CCDC102B: variants seen among roughly 807,000 people sequenced by gnomAD.
CCDC102B encodes coiled-coil domain containing 102B.
CCDC102B carries 75 observed loss-of-function variants against 57.4 expected under a neutral mutation model. The ratio of observed to expected loss-of-function variants is 1.31; its 90% confidence interval spans 1.08 to 1.58. The LOEUF is 1.58. Among genes scored for constraint, CCDC102B ranks in the 40% most tolerant of loss-of-function variants. The pLI, the probability that CCDC102B is intolerant of heterozygous loss-of-function variation, is 0.00. For synonymous variants in CCDC102B, 206 were observed against 201.9 expected (o/e 1.02, Z -0.17); for missense variants, 636 against 582.6 (o/e 1.09, Z -0.94).
chr18:69,051,857 A>G lies in CCDC102B; in HGVS notation c.1435-2173A>G, dbSNP rs8093771. On this transcript the variant is annotated intron_variant, in intron 7 of 7. Coordinates refer to ENST00000360242, the MANE Select transcript of CCDC102B (RefSeq NM_024781.3). ...AGGAAAAAAATAAAATTGGGTTTCT[A>G]CCTCATGTCATGTGTAAAATTAACT... Among the ~76,000 whole-genome samples, 981 of 152,072 alleles carry G rather than the reference A, an allele frequency of 6.5e-3. 13 individuals are homozygous for G. The highest frequency in any genetic ancestry group is 0.023 in the African/African-American group (935 of 41,550).
intron 2 of CCDC102B, among the ~76,000 whole-genome samples, chr18:68,736,918 A>T (rs2033155673): frequency 1.3e-5 from 2 of 151,960 alleles, no homozygotes; most frequent in Admixed American, 1.3e-4. Context: ...TCTAGTGTGC[A>T]AACAATCGTA....
intron 2 of CCDC102B, among the ~76,000 whole-genome samples, chr18:68,784,771 A>G (rs1194118356): frequency 6.6e-6 from 1 of 152,106 alleles, no homozygotes; most frequent in Non-Finnish European, 1.5e-5. Context: ...TAGATCTTTT[A>G]GTACTTGGTT....
At chr18:68,969,676 G>GT (rs2050253337) in intron 6 of CCDC102B, among the ~76,000 whole-genome samples, 1 of 151,122 alleles carries the variant, frequency 6.6e-6, no homozygotes, top group African/African-American at 2.4e-5. Context: ...ATTTTGTTGT[G>GT]TTTTTTTGTG....
At chr18:68,780,665 A>G (rs2034976796) in intron 2 of CCDC102B, among the ~76,000 whole-genome samples, 1 of 152,086 alleles carries the variant, frequency 6.6e-6, no homozygotes, top group South Asian at 2.1e-4. Context: ...TTTCCTAATG[A>G]CTAATGATGC....
At position 69,011,067 on chromosome 18, in the gene CCDC102B, A is replaced by G; in HGVS notation, c.1397A>G (p.Glu466Gly). The G allele has an allele frequency of 1.2e-6, 2 of 1,613,938 alleles. No homozygotes were observed. The highest frequency in any genetic ancestry group is 2.7e-5 in the African/African-American group (2 of 75,046). ...AEVKKLRLRVEELKQGLNQKE... is the reference protein window; with the variant it reads ...AEVKKLRLRVGELKQGLNQKE... ...GTAAAGAAACTAAGATTACGAGTGG[A>G]AGAACTAAAGCAGGGACTCAATCAA... The change falls in exon 7 of 8, where the codon GAA (glutamate) becomes GGA (glycine). Residue 466 changes from glutamate (E) to glycine (G), a missense_variant. Transcript: ENST00000360242.
intron 5 of CCDC102B, among the ~76,000 whole-genome samples, chr18:68,878,827 A>T (rs1029846291): frequency 5.3e-5 from 8 of 152,200 alleles, no homozygotes; most frequent in African/African-American, 1.9e-4. Context: ...GAACTATCAA[A>T]AAAACTAGTG....
intron 7 of CCDC102B, among the ~76,000 whole-genome samples, chr18:69,049,840 C>T (rs960659296): frequency 1.3e-5 from 2 of 151,562 alleles, no homozygotes; most frequent in East Asian, 1.9e-4. Context: ...GACGGAGTCT[C>T]ACTATGTTGC....
chr18:68,864,451 C>A (rs1463627177), intron 4 of CCDC102B, among the ~76,000 whole-genome samples: 2 of 151,922 alleles, frequency 1.3e-5, no homozygotes, highest in Non-Finnish European at 2.9e-5. Flanking sequence ...AAAATAAAAC[C>A]TGACCTGAAG....
intron 1 of CCDC102B, among the ~76,000 whole-genome samples, chr18:68,827,277 C>A (rs2036943599): frequency 6.6e-6 from 1 of 151,986 alleles, no homozygotes. Flanking sequence ...GATAGAATAT[C>A]TTTCTCATTT....
In CCDC102B at chr18:68,890,321, G is replaced by A. The variant is rs557342291; in HGVS notation, c.1054-6898G>A. ...CACAATTATGGCTCACTGCAGCTTC[G>A]ACCTTCTGGGCTCAAGTGATCCTCT... On this transcript the variant is annotated intron_variant, in intron 5 of 7. Coordinates refer to ENST00000360242, the MANE Select transcript of CCDC102B (RefSeq NM_024781.3). Among the ~76,000 whole-genome samples the A allele has an allele frequency of 4.6e-5, 7 of 151,908 alleles. No individual in the cohort carries two copies. In the East Asian group the frequency reaches 7.8e-4, roughly 17 times the overall value.
At chr18:68,927,810 G>A (rs1247967330) in intron 6 of CCDC102B, among the ~76,000 whole-genome samples, 1 of 151,870 alleles carries the variant, frequency 6.6e-6, no homozygotes, top group African/African-American at 2.4e-5. Context: ...AGGAGGGAGA[G>A]CTGCTTGTGT....
intron 6 of CCDC102B, among the ~76,000 whole-genome samples, chr18:68,977,113 C>T (rs1248768319): frequency 6.6e-6 from 1 of 151,732 alleles, no homozygotes; most frequent in Admixed American, 6.6e-5. Flanking sequence ...ATTATGGTTT[C>T]TATTAGGTTG....
intron 2 of CCDC102B, among the ~76,000 whole-genome samples, chr18:68,755,852 A>G (rs900928342): frequency 2.6e-5 from 4 of 151,488 alleles, no homozygotes; most frequent in African/African-American, 4.8e-5. Context: ...AATTATAAAT[A>G]ATAGAAATAG....
chr18:68,774,773 G>A (rs1039675769), intron 2 of CCDC102B, among the ~76,000 whole-genome samples: 2 of 151,802 alleles, frequency 1.3e-5, no homozygotes, highest in African/African-American at 4.8e-5. Context: ...AACTACAAAA[G>A]AGGTAAAATC....
At chr18:69,012,214 TTTATTTTATTTTAGTCA>T (rs1302416942) in intron 7 of CCDC102B, among the ~76,000 whole-genome samples, 1 of 152,178 alleles carries the variant, frequency 6.6e-6, no homozygotes, top group Admixed American at 6.5e-5. Flanking sequence ...TTTTAGGTTT[TTTATTTTATTTTAGTCA>T]TTATTTTGTG....
intron 7 of CCDC102B, among the ~76,000 whole-genome samples, chr18:69,018,641 C>G (rs564246205): frequency 6.6e-6 from 1 of 152,142 alleles, no homozygotes; most frequent in African/African-American, 2.4e-5. Flanking sequence ...TGCTATTGAG[C>G]TGTATGAATT....
intron 2 of CCDC102B, among the ~76,000 whole-genome samples, chr18:68,791,594 A>G (rs1007323990): frequency 2.7e-5 from 4 of 148,228 alleles, no homozygotes; most frequent in African/African-American, 7.5e-5. Flanking sequence ...ATAAATGACT[A>G]TGTTTGAAAT....
Position 68,865,965 on chromosome 18 carries a change from T to C in CCDC102B, c.937-8704T>C, listed in dbSNP as rs144611891. Among the ~76,000 whole-genome samples the C allele has an allele frequency of 2.1e-3, 315 of 152,322 alleles. 1 individual carries two copies. Among genetic ancestry groups the C allele is most frequent in the Middle Eastern group, 6.8e-3 (2 of 294 alleles). On this transcript the variant is annotated intron_variant, in intron 4 of 7. Coordinates refer to ENST00000360242, the MANE Select transcript of CCDC102B (RefSeq NM_024781.3). ...ACTTCTTCCATGTCTATCTAACATG[T>C]GTGATCAATTTTCTTAATGCCTACA...
intron 2 of CCDC102B, among the ~76,000 whole-genome samples, chr18:68,791,573 G>A (rs1353789181): frequency 2.0e-5 from 3 of 151,900 alleles, no homozygotes; most frequent in African/African-American, 7.3e-5. Context: ...AGCCTAATGT[G>A]TACAGACTAC....
Sources: gnomAD v4.1 joint callset for allele counts (sites outside exome capture counted in the v4.1 genomes callset) on GRCh38, gnomAD v4.1.1 for gene constraint, MANE v1.5 for transcripts, NCBI Gene and HGNC (gene_info 2026-07-23, HGNC 2026-07-21) for gene names.